PLCE1: variants seen among roughly 807,000 people sequenced by gnomAD.
The protein encoded by PLCE1 is 1-phosphatidylinositol 4,5-bisphosphate phosphodiesterase epsilon-1.
A neutral mutation model predicts 242.8 loss-of-function variants in PLCE1; 119 were observed. That is an observed-to-expected ratio of 0.49 (90% CI 0.42 to 0.57). The LOEUF (loss-of-function observed/expected upper bound fraction) is 0.57. Among genes scored for constraint, PLCE1 ranks in the 20% least tolerant of loss-of-function variants. The pLI is 0.00. For missense variants in PLCE1, 2,441 were observed against 2,788.8 expected, an observed-to-expected ratio of 0.88 and a Z score of 2.81; for synonymous variants, 945 against 1,017.4, an observed-to-expected ratio of 0.93 and a Z score of 1.35.
In PLCE1 at chr10:94,030,880, T is replaced by C; in HGVS notation, c.-167T>C. On this transcript the variant is annotated 5_prime_UTR_variant, in exon 2 of 33. Transcript: ENST00000371380. ...TGATAGGAAGTTATAACTAAGAAAA[T>C]TTATTTGCCTCTTAATGCTCCTGAA... is the stretch of plus-strand genomic sequence containing the variant. The C allele has an allele frequency of 1.5e-6, 1 of 672,000 alleles. No homozygotes were observed. Among genetic ancestry groups the C allele is most frequent in the Non-Finnish European group, 2.6e-6 (1 of 386,180 alleles). The allele number at this position is 672,000 out of a possible 1,614,324, so 41.6% of individuals were successfully genotyped here. A position where few individuals can be genotyped will look rare whatever the true frequency, so the allele number is the denominator to read the frequency against.
intron 1 of PLCE1, among the ~76,000 whole-genome samples, chr10:94,007,571 CTCTCTT>C (rs1481903526): frequency 3.0e-4 from 38 of 127,526 alleles, no homozygotes; most frequent in African/African-American, 1.1e-3. Flanking sequence ...TACATTCTCT[CTCTCTT>C]TTTTTTTTTT....
chr10:94,121,361 C>G (rs2046292616), intron 2 of PLCE1, among the ~76,000 whole-genome samples: 1 of 152,170 alleles, frequency 6.6e-6, no homozygotes, highest in Admixed American at 6.5e-5. Flanking sequence ...CAGAAGCAAA[C>G]TATCCCTGAG....
intron 6 of PLCE1, among the ~76,000 whole-genome samples, chr10:94,234,773 G>C (rs1018848902): frequency 3.9e-5 from 6 of 152,142 alleles, no homozygotes; most frequent in African/African-American, 1.4e-4. Context: ...CAAGCTCCAG[G>C]CTCCTGATCC....
chr10:94,122,022 G>T (rs1455621675), intron 2 of PLCE1, among the ~76,000 whole-genome samples: 1 of 152,188 alleles, frequency 6.6e-6, no homozygotes, highest in African/African-American at 2.4e-5. Context: ...GAAGCAAAAA[G>T]CCTGGTCTTA....
At chr10:94,190,049 C>T (rs188581972) in intron 4 of PLCE1, among the ~76,000 whole-genome samples, 118 of 152,022 alleles carry the variant, frequency 7.8e-4, no homozygotes, top group African/African-American at 2.7e-3. Flanking sequence ...GCCTATAATC[C>T]CAATGGGTGG....
In PLCE1 at chr10:94,234,076, T is replaced by C; in HGVS notation, c.1978T>C (p.Trp660Arg). The C allele has an allele frequency of 6.2e-7, 1 of 1,613,992 alleles. No individual in the cohort carries two copies. The highest frequency in any genetic ancestry group is 8.5e-7 in the Non-Finnish European group (1 of 1,179,862). ...GLRSRKVLKM[W>R]QFMDQSDIET... ...TAGGTCAAGAAAAGTTTTAAAAATG[T>C]GGCAGTTCATGGACCAGTCTGATAT... is the stretch of plus-strand genomic sequence containing the variant. The change falls in exon 6 of 33, where the codon TGG (tryptophan) becomes CGG (arginine). Residue 660 changes from tryptophan to arginine, a missense_variant. By Grantham distance (101) the Trp-to-Arg change is moderately radical. Coordinates refer to ENST00000371380, the MANE Select transcript of PLCE1 (RefSeq NM_016341.4).
At chr10:94,117,044 T>C (rs560490639) in intron 2 of PLCE1, among the ~76,000 whole-genome samples, 1 of 152,308 alleles carries the variant, frequency 6.6e-6, no homozygotes, top group South Asian at 2.1e-4. Context: ...ATAAGCAAGG[T>C]TGAGTCATCT....
chr10:94,231,763 G>C (rs2050152843), intron 5 of PLCE1, among the ~76,000 whole-genome samples: 1 of 152,072 alleles, frequency 6.6e-6, no homozygotes, highest in African/African-American at 2.4e-5. Flanking sequence ...TTCTCATAAG[G>C]AGCGTGCAAC....
chr10:94,115,046 T>C (rs1351512085), intron 2 of PLCE1, among the ~76,000 whole-genome samples: 1 of 152,084 alleles, frequency 6.6e-6, no homozygotes, highest in East Asian at 1.9e-4. Flanking sequence ...AGATAGTTTG[T>C]TCAGAATGAT....
At chr10:94,286,509 T>C (rs531480994) in intron 22 of PLCE1, among the ~76,000 whole-genome samples, 134 of 152,290 alleles carry the variant, frequency 8.8e-4, no homozygotes, top group African/African-American at 2.6e-3. Flanking sequence ...AGTTAGGTAA[T>C]AGTGAGCTTT....
intron 4 of PLCE1, among the ~76,000 whole-genome samples, chr10:94,215,798 C>T (rs1339101863): frequency 6.6e-6 from 1 of 152,172 alleles, no homozygotes; most frequent in Non-Finnish European, 1.5e-5. Flanking sequence ...TAGCACACAC[C>T]TGTAGTCCCA....
Position 94,324,981 on chromosome 10 carries a change from A to T in PLCE1, c.6810A>T (p.Thr2270=). The T allele has an allele frequency of 1.2e-6, 2 of 1,614,158 alleles. No homozygotes were observed. The highest frequency in any genetic ancestry group is 1.7e-6 in the Non-Finnish European group (2 of 1,179,978). Reference sequence around the variant, plus strand: ...CAACTAAACAGCCCCGAGGACTTACATCACCTTCTCAGCTCTTGACCTCAG... The same window carrying T: ...CAACTAAACAGCCCCGAGGACTTACTTCACCTTCTCAGCTCTTGACCTCAG... ...TKSTKQPRGL[T]SPSQLLTSES... is the part of the protein sequence containing the mutation. The change falls in exon 32 of 33, where the codon ACA becomes ACT. Residue 2270 remains threonine, a synonymous_variant. Coordinates refer to ENST00000371380, the MANE Select transcript of PLCE1 (RefSeq NM_016341.4).
intron 13 of PLCE1, among the ~76,000 whole-genome samples, chr10:94,262,001 C>CTTTTTTTT (rs72217756): frequency 7.4e-6 from 1 of 135,260 alleles, no homozygotes. Context: ...TCTTCTTTTC[C>CTTTTTTTT]TTTTTTTTTT....
intron 1 of PLCE1, among the ~76,000 whole-genome samples, chr10:94,028,950 G>C (rs1490647041): frequency 2.0e-5 from 3 of 151,930 alleles, no homozygotes; most frequent in African/African-American, 7.3e-5. Flanking sequence ...CTTGAATGTG[G>C]GTTATACTTA....
chr10:94,043,793 C>A (rs1451578769), intron 2 of PLCE1, among the ~76,000 whole-genome samples: 1 of 152,112 alleles, frequency 6.6e-6, no homozygotes, highest in Non-Finnish European at 1.5e-5. Flanking sequence ...CAAATATGGG[C>A]AGTGTAATGA....
intron 2 of PLCE1, among the ~76,000 whole-genome samples, chr10:94,058,852 T>A (rs1182178184): frequency 2.0e-5 from 3 of 152,120 alleles, no homozygotes; most frequent in African/African-American, 2.4e-5. Flanking sequence ...TTGCCAAAAA[T>A]AAAATAATAA....
intron 24 of PLCE1, among the ~76,000 whole-genome samples, chr10:94,302,856 G>A (rs1050459469): frequency 3.3e-5 from 5 of 152,210 alleles, no homozygotes; most frequent in Non-Finnish European, 7.3e-5. Flanking sequence ...TGCCATTGCT[G>A]TTGTTAGTAC....
intron 3 of PLCE1, among the ~76,000 whole-genome samples, chr10:94,140,397 A>C (rs1247428057): frequency 6.7e-6 from 1 of 150,210 alleles, no homozygotes; most frequent in Admixed American, 6.6e-5. Context: ...AAAAAAGTTA[A>C]CCAGGCGTGG....
intron 2 of PLCE1, among the ~76,000 whole-genome samples, chr10:94,077,258 G>A (rs1175421208): frequency 1.3e-5 from 2 of 152,148 alleles, no homozygotes; most frequent in East Asian, 1.9e-4. Context: ...CTGGGGTGAC[G>A]GGATGCTACT....
Sources: allele counts gnomAD v4.1 joint callset (sites outside exome capture counted in the v4.1 genomes callset), GRCh38; gene constraint gnomAD v4.1.1; transcripts MANE v1.5; gene names NCBI Gene and HGNC (gene_info 2026-07-23, HGNC 2026-07-21).